Variants in PLA2G4A observed in about 807,000 individuals in gnomAD.
PLA2G4A encodes the protein cytosolic phospholipase A2.
Under a neutral mutation model 81.9 loss-of-function variants are expected in PLA2G4A, and 40 were observed. The ratio of observed to expected loss-of-function variants is 0.49; its 90% CI spans 0.38 to 0.64. The LOEUF (loss-of-function observed/expected upper bound fraction) is 0.64, where lower values mean the gene tolerates loss of function less well. Among genes scored for constraint, PLA2G4A ranks in the 30% least tolerant of loss-of-function variants. The probability of loss-of-function intolerance (pLI) is 0.00; values close to 1 mark genes in which losing one functional copy is unlikely to be tolerated. For missense variants in PLA2G4A, 715 were observed against 905.1 expected (o/e 0.79, Z 2.69); for synonymous variants, 302 against 296.9 (o/e 1.02, Z -0.18).
chr1:186,950,973 G>A (rs191253211), intron 13 of PLA2G4A, among the ~76,000 whole-genome samples: 3 of 152,262 alleles, frequency 2.0e-5, no homozygotes, highest in East Asian at 1.9e-4. Flanking sequence ...CAAATGAACA[G>A]ATCCAAGATG....
intron 5 of PLA2G4A, among the ~76,000 whole-genome samples, chr1:186,900,576 G>A (rs1654500021): frequency 6.6e-6 from 1 of 152,170 alleles, no homozygotes; most frequent in African/African-American, 2.4e-5. Context: ...GAATGTGCCA[G>A]TCACTCATGA....
Position 186,977,677 on chromosome 1 carries a change from C to A in PLA2G4A, c.1849C>A (p.Leu617Met). The A allele has an allele frequency of 6.2e-7, 1 of 1,612,398 alleles. No homozygotes were observed. The highest frequency in any genetic ancestry group is 8.5e-7 in the Non-Finnish European group (1 of 1,178,470). ...TCCTTATGTGTTTGATCGGGAAGGG[C>A]TGAAGGAGTGCTATGTCTTTAAACC... Reference protein sequence around the residue: ...IDPYVFDREGLKECYVFKPKN... With the variant: ...IDPYVFDREGMKECYVFKPKN... The change falls in exon 16 of 18, where the codon CTG becomes ATG. Residue 617 changes from leucine (L) to methionine (M), a missense_variant. Leu to Met is a conservative substitution (Grantham distance 15). Coordinates refer to ENST00000367466, the MANE Select transcript of PLA2G4A (RefSeq NM_024420.3).
At chr1:186,867,114 AG>A (rs369482768) in intron 2 of PLA2G4A, among the ~76,000 whole-genome samples, 162 of 152,198 alleles carry the variant, frequency 1.1e-3, no homozygotes, top group African/African-American at 3.8e-3. Flanking sequence ...GTAGCTTTAT[AG>A]TAAGTCTTGA....
intron 5 of PLA2G4A, among the ~76,000 whole-genome samples, chr1:186,902,456 G>C (rs552105655): frequency 7.4e-4 from 113 of 152,094 alleles, no homozygotes; most frequent in Non-Finnish European, 1.4e-3. Flanking sequence ...CCCTAGTCCG[G>C]CTCGAAGCAG....
At chr1:186,976,571 A>ACTT (rs1331046107) in intron 15 of PLA2G4A, among the ~76,000 whole-genome samples, 2 of 152,186 alleles carry the variant, frequency 1.3e-5, no homozygotes, top group African/African-American at 2.4e-5. Flanking sequence ...GGAAACATTG[A>ACTT]CTTAAGAAAC....
At chr1:186,972,514 T>G (rs1182278010) in intron 15 of PLA2G4A, among the ~76,000 whole-genome samples, 2 of 152,216 alleles carry the variant, frequency 1.3e-5, no homozygotes, top group African/African-American at 4.8e-5. Context: ...CAGAGTTTAC[T>G]ACTTGAAATT....
chr1:186,860,499 A>G (rs1652759194), intron 2 of PLA2G4A, among the ~76,000 whole-genome samples: 1 of 152,124 alleles, frequency 6.6e-6, no homozygotes, highest in Non-Finnish European at 1.5e-5. Flanking sequence ...CTCTCAACAA[A>G]TTGGGTGATG....
chr1:186,974,897 C>G (rs1657478657), intron 15 of PLA2G4A, among the ~76,000 whole-genome samples: 1 of 152,168 alleles, frequency 6.6e-6, no homozygotes, highest in African/African-American at 2.4e-5. Context: ...ACATCAGGAT[C>G]ACATAAGGAA....
intron 15 of PLA2G4A, among the ~76,000 whole-genome samples, chr1:186,969,686 C>T (rs777288418): frequency 1.3e-5 from 2 of 151,904 alleles, no homozygotes; most frequent in Admixed American, 6.6e-5. Flanking sequence ...TTTAACTTAA[C>T]ATAATGTCCT....
At chr1:186,948,499 G>T (rs1656419710) in intron 12 of PLA2G4A, among the ~76,000 whole-genome samples, 2 of 145,970 alleles carry the variant, frequency 1.4e-5, no homozygotes, top group South Asian at 2.2e-4. Context: ...CTTTCTCTAA[G>T]TTATGTGAAG....
At chr1:186,835,252 G>A (rs1402813763) in intron 1 of PLA2G4A, among the ~76,000 whole-genome samples, 1 of 152,080 alleles carries the variant, frequency 6.6e-6, no homozygotes, top group Non-Finnish European at 1.5e-5. Flanking sequence ...ACCCCTTATG[G>A]AAAAAAGTAT....
At chr1:186,951,000 C>T (rs1328837380) in intron 13 of PLA2G4A, among the ~76,000 whole-genome samples, 1 of 152,124 alleles carries the variant, frequency 6.6e-6, no homozygotes, top group Non-Finnish European at 1.5e-5. Flanking sequence ...ATGCTGAATT[C>T]TATTTTAAGT....
intron 2 of PLA2G4A, among the ~76,000 whole-genome samples, chr1:186,868,945 G>T: frequency 6.9e-6 from 1 of 144,502 alleles, no homozygotes. Flanking sequence ...TTCTTAGCAT[G>T]GCTAATGGCT....
chr1:186,845,742 T>A (rs1652148058), intron 1 of PLA2G4A, among the ~76,000 whole-genome samples: 1 of 152,202 alleles, frequency 6.6e-6, no homozygotes, highest in South Asian at 2.1e-4. Context: ...TCTGTTCACT[T>A]TTCCTGAGAA....
At chr1:186,873,671 A>G (rs1195067565) in intron 3 of PLA2G4A, among the ~76,000 whole-genome samples, 2 of 152,090 alleles carry the variant, frequency 1.3e-5, no homozygotes, top group South Asian at 4.1e-4. Flanking sequence ...TTGATAAATC[A>G]TGCTACCCTA....
At chr1:186,858,691 G>A (rs568739112) in intron 2 of PLA2G4A, among the ~76,000 whole-genome samples, 1 of 152,192 alleles carries the variant, frequency 6.6e-6, no homozygotes, top group African/African-American at 2.4e-5. Flanking sequence ...TTAGGCTATA[G>A]TAATTACCTA....
intron 10 of PLA2G4A, among the ~76,000 whole-genome samples, chr1:186,944,300 C>T (rs1056214335): frequency 2.0e-5 from 3 of 152,040 alleles, no homozygotes; most frequent in African/African-American, 4.8e-5. Flanking sequence ...AAACTAACAC[C>T]GTGAGTTCTT....
chr1:186,988,615 C>A lies in PLA2G4A; in HGVS notation c.*107C>A. On this transcript the variant is annotated 3_prime_UTR_variant, in exon 18 of 18. Coordinates refer to ENST00000367466, the MANE Select transcript of PLA2G4A (RefSeq NM_024420.3). Reference sequence around the variant, plus strand: ...AGATAGTCGTACTGATCATGAGAGACTGGCTGATACTCAAAGTTGCAGTTA... The same window carrying A: ...AGATAGTCGTACTGATCATGAGAGAATGGCTGATACTCAAAGTTGCAGTTA... The A allele has an allele frequency of 2.1e-6, 2 of 952,836 alleles. No homozygotes were observed. Among genetic ancestry groups the A allele is most frequent in the Non-Finnish European group, 3.4e-6 (2 of 592,820 alleles). The allele number at this position is 952,836 out of a possible 1,614,324, so 59.0% of individuals were successfully genotyped here.
At chr1:186,883,988 T>C (rs565545392) in intron 3 of PLA2G4A, among the ~76,000 whole-genome samples, 1 of 152,262 alleles carries the variant, frequency 6.6e-6, no homozygotes, top group East Asian at 1.9e-4. Context: ...TTCATTTTTT[T>C]AAGGATGCCC....
Sources: allele counts gnomAD v4.1 joint callset (sites outside exome capture counted in the v4.1 genomes callset), GRCh38; gene constraint gnomAD v4.1.1; transcripts MANE v1.5; gene names NCBI Gene and HGNC (gene_info 2026-07-23, HGNC 2026-07-21).